Variants in KIAA2012 observed in about 807,000 individuals in gnomAD.
KIAA2012 encodes KIAA2012.
Under a neutral mutation model 150.6 loss-of-function variants are expected in KIAA2012, and 125 were observed. The ratio of observed to expected loss-of-function variants is 0.83; its 90% CI spans 0.72 to 0.96. KIAA2012 has a LOEUF of 0.96. Ranked by LOEUF, KIAA2012 falls within the 40% of genes least tolerant of loss-of-function variation. The pLI is 0.00. For missense variants in KIAA2012, 1,219 were observed against 1,354.9 expected (o/e 0.90, Z 1.57); for synonymous variants, 462 against 504.7 (o/e 0.92, Z 1.13).
At chr2:202,171,874 G>C (rs1047326329) in intron 15 of KIAA2012, among the ~76,000 whole-genome samples, 3 of 115,060 alleles carry the variant, frequency 2.6e-5, no homozygotes, top group African/African-American at 9.9e-5. Flanking sequence ...TTTGGAGACA[G>C]AGTCTTACTC....
intron 4 of KIAA2012, among the ~76,000 whole-genome samples, chr2:202,094,244 CT>C (rs1357413160): frequency 6.6e-6 from 1 of 152,234 alleles, no homozygotes; most frequent in Non-Finnish European, 1.5e-5. Context: ...GATGGCACCA[CT>C]GCACTGCAGC....
intron 14 of KIAA2012, among the ~76,000 whole-genome samples, chr2:202,163,671 A>C (rs1339201517): frequency 1.3e-5 from 2 of 152,162 alleles, no homozygotes; most frequent in African/African-American, 2.4e-5. Context: ...CCAAAAGAAG[A>C]AGCTTGACTC....
rs1255457894 is a variant in KIAA2012, at chr2:202,104,396, T to A, written c.1324+1282T>A. On this transcript the variant is annotated intron_variant, in intron 8 of 23. Coordinates refer to ENST00000498697, the MANE Select transcript of KIAA2012 (RefSeq NM_001277372.4). This position sits in a 1 kb window ranked among gnomAD's most constrained non-coding sequence, Gnocchi z 4.3. ...GAGACAGTTGGCACTGAAAAGATAGTTTGTTACTCACAGTTCCAAGAGGAG... is the reference window on the plus strand; with the variant it reads ...GAGACAGTTGGCACTGAAAAGATAGATTGTTACTCACAGTTCCAAGAGGAG... Among the ~76,000 whole-genome samples the A allele has an allele frequency of 1.3e-5, 2 of 152,184 alleles. No individual in the cohort carries two copies. Among genetic ancestry groups the A allele is most frequent in the Non-Finnish European group, 2.9e-5 (2 of 68,040 alleles).
At chr2:202,099,380 G>T (rs763548614) in intron 5 of KIAA2012, among the ~76,000 whole-genome samples, 1 of 151,892 alleles carries the variant, frequency 6.6e-6, no homozygotes, top group Admixed American at 6.6e-5. Flanking sequence ...TCACAAGATC[G>T]CACTATATGT....
intron 18 of KIAA2012, among the ~76,000 whole-genome samples, chr2:202,189,747 G>A (rs1343055160): frequency 6.6e-6 from 1 of 152,076 alleles, no homozygotes; most frequent in Non-Finnish European, 1.5e-5. Context: ...TGGGGCTGGG[G>A]CTTAGGAATC....
At chr2:202,107,828 G>A (rs1013173716) in intron 9 of KIAA2012, among the ~76,000 whole-genome samples, 1 of 152,100 alleles carries the variant, frequency 6.6e-6, no homozygotes, top group Non-Finnish European at 1.5e-5. Context: ...GACCAACGTG[G>A]TGAAACCCCA....
chr2:202,091,666 A>C (rs893387455), intron 3 of KIAA2012, among the ~76,000 whole-genome samples: 9 of 152,230 alleles, frequency 5.9e-5, no homozygotes, highest in African/African-American at 2.2e-4. Context: ...TCTACTAAAA[A>C]AAATTCATTG....
chr2:202,109,796 A>G lies in KIAA2012; in HGVS notation c.1651+7A>G, dbSNP rs200510418. The stretch of plus-strand genomic sequence containing the variant: ...GCACTGCCAGCAGCTCAAGGTAATC[A>G]TTCCCAGAGTGCATAGACGCCCCCC... On this transcript the variant is annotated splice_region_variant and intron_variant, in intron 10 of 23. Coordinates refer to ENST00000498697, the MANE Select transcript of KIAA2012 (RefSeq NM_001277372.4). 6.5e-6 allele frequency: 10 copies of G among 1,538,656 alleles called. No individual in the cohort carries two copies. The East Asian group carries it at 2.5e-4, about 38-fold the overall frequency.
chr2:202,075,486 C>T (rs1262160418), intron 2 of KIAA2012, among the ~76,000 whole-genome samples: 1 of 152,140 alleles, frequency 6.6e-6, no homozygotes, highest in Non-Finnish European at 1.5e-5. Flanking sequence ...CAGATTCAGG[C>T]CAGCAGACGT....
rs779187969 is a variant in KIAA2012, at chr2:202,093,091, GCCACAACAAGATC to G, written c.592_604del (p.Pro198PhefsTer48). 2.0e-4 allele frequency: 304 copies of G among 1,550,668 alleles called. No homozygotes were observed. The highest frequency in any genetic ancestry group is 2.5e-4 in the Non-Finnish European group (283 of 1,146,994). ...AACTTAATGTACCAAAGAAGCTCAGGCCACAACAAGATCTTTCAGGTGTACCCCCAAAATACCA... is the reference window on the plus strand; with the variant it reads ...AACTTAATGTACCAAAGAAGCTCAGGTTTCAGGTGTACCCCCAAAATACCA... On this transcript the variant is annotated frameshift_variant, in exon 4 of 24. Transcript: ENST00000498697. LOFTEE classifies it high-confidence loss of function.
intron 14 of KIAA2012, among the ~76,000 whole-genome samples, chr2:202,157,793 C>T (rs905221315): frequency 6.6e-6 from 1 of 152,088 alleles, no homozygotes; most frequent in East Asian, 1.9e-4. Context: ...CCCAGCTGAG[C>T]CCTGTCCAAT....
At chr2:202,127,989 C>G (rs1462686741) in intron 12 of KIAA2012, among the ~76,000 whole-genome samples, 1 of 152,132 alleles carries the variant, frequency 6.6e-6, no homozygotes, top group Non-Finnish European at 1.5e-5. Context: ...CCCTGGCAAC[C>G]ACCATTCTAC....
At chr2:202,156,879 T>C (rs1691539874) in intron 14 of KIAA2012, among the ~76,000 whole-genome samples, 1 of 152,178 alleles carries the variant, frequency 6.6e-6, no homozygotes. Context: ...AGTGAGACTC[T>C]GTCTCAAAAA....
chr2:202,144,566 C>G (rs887401914), intron 13 of KIAA2012, among the ~76,000 whole-genome samples: 1 of 152,152 alleles, frequency 6.6e-6, no homozygotes, highest in African/African-American at 2.4e-5. Flanking sequence ...ATGTTTTGTA[C>G]AAGGGTACAA....
chr2:202,099,715 G>C lies in KIAA2012; in HGVS notation c.931G>C (p.Asp311His). The change falls in exon 6 of 24, where the codon GAT becomes CAT. Residue 311 changes from aspartate (D) to histidine (H), a missense_variant. Asp to His is a moderately conservative substitution (Grantham distance 81, BLOSUM62 -1). Transcript: ENST00000498697. The stretch of plus-strand genomic sequence containing the variant: ...GAAGGCCTTTGGGCATGGCCGCATC[G>C]ATCACTCTTGGCTCCCAAGTGACAA... ...SRKAFGHGRI[D>H]HSWLPSDKSH... The C allele has an allele frequency of 1.3e-6, 2 of 1,550,604 alleles. No homozygotes were observed. Among genetic ancestry groups the C allele is most frequent in the Non-Finnish European group, 8.7e-7 (1 of 1,146,986 alleles).
In KIAA2012 at chr2:202,193,401, A is replaced by G. The variant is rs1326665545; in HGVS notation, c.2912A>G (p.Glu971Gly). Residue 971 changes from glutamate (E) to glycine (G), a missense_variant, in exon 20 of 24, where the codon GAG becomes GGG. Transcript: ENST00000498697. ...CTGGAGGTGGAGAAGAAGAGAAGGG[A>G]GCAGGAAGAGCAAAGGCAGCTCCAG... ...RWLEVEKKRREQEEQRQLQQE... is the reference protein window; with the variant it reads ...RWLEVEKKRRGQEEQRQLQQE... The G allele has an allele frequency of 1.9e-6, 3 of 1,550,312 alleles. No individual in the cohort carries two copies. The highest frequency in any genetic ancestry group is 2.6e-6 in the Non-Finnish European group (3 of 1,146,832).
chr2:202,179,774 C>G (rs1203108263), intron 15 of KIAA2012: 4 of 631,790 alleles, frequency 6.3e-6, no homozygotes, highest in Non-Finnish European at 1.2e-5. Context: ...TGGAAAGCCA[C>G]AGCAGTGGGA....
At chr2:202,123,484 A>G (rs1266979916) in intron 11 of KIAA2012, among the ~76,000 whole-genome samples, 1 of 151,986 alleles carries the variant, frequency 6.6e-6, no homozygotes, top group Non-Finnish European at 1.5e-5. Flanking sequence ...TCCTCTCTCC[A>G]GTGTTGATGC....
chr2:202,202,429 G>A lies in KIAA2012; in HGVS notation c.3408G>A (p.Arg1136=), dbSNP rs981983067. Residue 1136 remains arginine, a splice_region_variant and synonymous_variant, in exon 23 of 24, where the codon AGG becomes AGA. Transcript: ENST00000498697. ...ATTGGGGGTGGGGTTGTCTCCTTAG[G>A]CAAAAAGCTGCTTTGGAGAAACATT... is the stretch of plus-strand genomic sequence containing the variant. ...EATKQAQEQA[R]QKAALEKHFH... 40 of 399,448 alleles carry A rather than the reference G, an allele frequency of 1.0e-4. No homozygotes were observed. The highest frequency in any genetic ancestry group is 1.7e-4 in the Non-Finnish European group (38 of 226,572). 24.7% of individuals were successfully genotyped at this position (399,448 alleles called of 1,614,324 possible). A position where few individuals can be genotyped will look rare whatever the true frequency, so the allele number is the denominator to read the frequency against.
Sources: allele counts gnomAD v4.1 joint callset (sites outside exome capture counted in the v4.1 genomes callset), GRCh38; gene constraint gnomAD v4.1.1; non-coding constraint Gnocchi (gnomAD v3.1); transcripts MANE v1.5; gene names NCBI Gene and HGNC (gene_info 2026-07-23, HGNC 2026-07-21).